GCH1: variants seen among roughly 807,000 people sequenced by gnomAD.
GCH1 encodes GTP cyclohydrolase 1, also known as GTP cyclohydrolase I.
Under a neutral mutation model 25.9 loss-of-function variants are expected in GCH1, and 5 were observed. The observed-to-expected ratio is 0.19, with a 90% CI of 0.10 to 0.41. GCH1 has a LOEUF of 0.41. Among genes scored for constraint, GCH1 ranks in the 10% least tolerant of loss-of-function variants. The pLI is 1.00. For missense variants in GCH1, 261 were observed against 336.5 expected, an observed-to-expected ratio of 0.78 and a Z score of 1.75; for synonymous variants, 159 against 129.6, an observed-to-expected ratio of 1.23 and a Z score of -1.54.
chr14:54,890,476 C>A (rs1373275510), intron 1 of GCH1, among the ~76,000 whole-genome samples: 1 of 152,042 alleles, frequency 6.6e-6, no homozygotes. Context: ...CCAGCCTGGG[C>A]AACAAGAGCA....
chr14:54,893,516 G>A (rs2040449452), intron 1 of GCH1, among the ~76,000 whole-genome samples: 1 of 152,196 alleles, frequency 6.6e-6, no homozygotes, highest in Non-Finnish European at 1.5e-5. Context: ...GGGGATAGGT[G>A]AGGAAGAAGG....
chr14:54,863,692 T>A (rs1239713003), intron 2 of GCH1, among the ~76,000 whole-genome samples: 3 of 152,092 alleles, frequency 2.0e-5, no homozygotes, highest in Non-Finnish European at 4.4e-5. Context: ...TATCGTAGAA[T>A]CTTTCCACTT....
At chr14:54,845,107 A>AATC (rs1329720650) in intron 5 of GCH1, among the ~76,000 whole-genome samples, 4 of 152,026 alleles carry the variant, frequency 2.6e-5, no homozygotes, top group African/African-American at 9.7e-5. Flanking sequence ...TGGGAGGCAG[A>AATC]GGTTGCAGTG....
At position 54,891,405 on chromosome 14, in the gene GCH1, A is replaced by ATTT. The variant is rs538686624; in HGVS notation, c.343+10913_343+10915dup. 3.9e-3 allele frequency among the ~76,000 whole-genome samples: 426 copies of ATTT among 109,018 alleles called. 2 individuals are homozygous for ATTT. The highest frequency in any genetic ancestry group is 6.7e-3 in the African/African-American group (187 of 27,938). 71.5% of individuals were successfully genotyped at this position (109,018 alleles called of 152,430 possible). A position where few individuals can be genotyped will look rare whatever the true frequency, so the allele number is the denominator to read the frequency against. On this transcript the variant is annotated intron_variant, in intron 1 of 5. Transcript: ENST00000491895. ...ACAGGCATGAGCCATCATGCCTGGC[A>ATTT]TTTTTTTTTTTTTTTTTTTTTTTAA...
chr14:54,885,239 G>T, intron 1 of GCH1: 1 of 209,780 alleles, frequency 4.8e-6, no homozygotes, highest in South Asian at 7.2e-5. Flanking sequence ...ACTGACGCCT[G>T]CCATAGACAT....
intron 1 of GCH1, among the ~76,000 whole-genome samples, chr14:54,872,821 C>T (rs1179826911): frequency 2.6e-5 from 4 of 152,132 alleles, no homozygotes; most frequent in Non-Finnish European, 5.9e-5. Context: ...AATATATATG[C>T]ACCCAATACA....
At chr14:54,859,102 G>GCC (rs2039856998) in intron 3 of GCH1, 2 of 156,134 alleles carry the variant, frequency 1.3e-5, no homozygotes, top group African/African-American at 4.8e-5. Flanking sequence ...ACCTAGACAT[G>GCC]AACGGACTGG....
At chr14:54,890,473 G>A (rs2040410134) in intron 1 of GCH1, among the ~76,000 whole-genome samples, 1 of 152,138 alleles carries the variant, frequency 6.6e-6, no homozygotes, top group Non-Finnish European at 1.5e-5. Flanking sequence ...ACTCCAGCCT[G>A]GGCAACAAGA....
chr14:54,880,786 T>C lies in GCH1; in HGVS notation c.344-15350A>G, dbSNP rs1239316255. On this transcript the variant is annotated intron_variant, in intron 1 of 5. Transcript: ENST00000491895. ...TATATATATACTCCATATATATATA[T>C]ACTCCATATATATATATATACTCCA... 7.3e-5 allele frequency among the ~76,000 whole-genome samples: 5 copies of C among 68,126 alleles called. 1 individual carries two copies. The highest frequency in any genetic ancestry group is 1.5e-4 in the African/African-American group (2 of 12,988). 44.7% of individuals were successfully genotyped at this position (68,126 alleles called of 152,430 possible). A position where few individuals can be genotyped will look rare whatever the true frequency, so the allele number is the denominator to read the frequency against.
chr14:54,854,074 T>A (rs1436137089), intron 3 of GCH1, among the ~76,000 whole-genome samples: 1 of 152,256 alleles, frequency 6.6e-6, no homozygotes, highest in Non-Finnish European at 1.5e-5. Context: ...ATCGTCTCAT[T>A]CCTAGATATC....
chr14:54,890,090 G>A (rs1024239624), intron 1 of GCH1, among the ~76,000 whole-genome samples: 1 of 152,214 alleles, frequency 6.6e-6, no homozygotes, highest in Non-Finnish European at 1.5e-5. Flanking sequence ...AGAGGTTATT[G>A]TAATTTAAGT....
rs1278997698 is a variant in GCH1, at chr14:54,876,232, C to T, written c.344-10796G>A. 3.3e-5 allele frequency among the ~76,000 whole-genome samples: 5 copies of T among 152,210 alleles called. No homozygotes were observed. In the East Asian group the frequency reaches 9.7e-4, roughly 29 times the overall value. ...TGAAGCTGGAAGCCATCATTCTCAGCAAACTATTGCAAGGACAAAAAGCAC... is the reference window on the plus strand; with the variant it reads ...TGAAGCTGGAAGCCATCATTCTCAGTAAACTATTGCAAGGACAAAAAGCAC... On this transcript the variant is annotated intron_variant, in intron 1 of 5. Transcript: ENST00000491895.
chr14:54,883,118 A>G (rs1469609095), intron 1 of GCH1, among the ~76,000 whole-genome samples: 1 of 151,994 alleles, frequency 6.6e-6, no homozygotes, highest in Non-Finnish European at 1.5e-5. Context: ...TCACGCCTGT[A>G]ATCTCAGCAC....
intron 2 of GCH1, among the ~76,000 whole-genome samples, chr14:54,861,694 G>A (rs977130159): frequency 6.7e-6 from 1 of 149,662 alleles, no homozygotes; most frequent in African/African-American, 2.5e-5. Flanking sequence ...CTGCACTCCA[G>A]CCTAGGCAAC....
At chr14:54,864,738 G>A (rs760806962) in intron 2 of GCH1, among the ~76,000 whole-genome samples, 3 of 152,106 alleles carry the variant, frequency 2.0e-5, no homozygotes, top group African/African-American at 4.8e-5. Flanking sequence ...CTGTAAACTA[G>A]ATTAGATCTA....
intron 1 of GCH1, among the ~76,000 whole-genome samples, chr14:54,869,174 G>T (rs2040032442): frequency 6.6e-6 from 1 of 151,830 alleles, no homozygotes; most frequent in African/African-American, 2.4e-5. Flanking sequence ...GAGTAGCTGG[G>T]ACTACAGGCA....
chr14:54,902,370 C>A lies in GCH1; in HGVS notation c.294G>T (p.Ala98=), dbSNP rs765416856. The part of the protein sequence containing the change: ...RQGLLKTPWR[A]ASAMQFFTKG... The stretch of plus-strand genomic sequence containing the variant: ...TGGTGAAGAACTGCATGGCCGAGGC[C>A]GCCCTCCAGGGCGTCTTGAGCAGCC... Residue 98 remains alanine (A), a synonymous_variant, in exon 1 of 6, where the codon GCG becomes GCT. Transcript: ENST00000491895. 9 of 1,612,966 alleles carry A rather than the reference C, an allele frequency of 5.6e-6. No homozygotes were observed. The East Asian group carries it at 2.0e-4, about 36-fold the overall frequency.
chr14:54,873,436 T>C (rs950975047), intron 1 of GCH1, among the ~76,000 whole-genome samples: 11 of 152,038 alleles, frequency 7.2e-5, no homozygotes, highest in African/African-American at 2.7e-4. Context: ...TTAAAAGAAC[T>C]AGAGAAGCAA....
At chr14:54,886,566 C>A (rs567353346) in intron 1 of GCH1, among the ~76,000 whole-genome samples, 122 of 152,178 alleles carry the variant, frequency 8.0e-4, no homozygotes, top group African/African-American at 2.8e-3. Context: ...GAGCCGAGAT[C>A]GCGCCACTGC....
Sources: gnomAD v4.1 joint callset for allele counts (sites outside exome capture counted in the v4.1 genomes callset) on GRCh38, gnomAD v4.1.1 for gene constraint, MANE v1.5 for transcripts, NCBI Gene and HGNC (gene_info 2026-07-23, HGNC 2026-07-21) for gene names.